TRIM75: variants seen among roughly 807,000 people sequenced by gnomAD.
TRIM75 encodes the protein tripartite motif-containing protein 75.
the TRIM75 span, among the ~76,000 whole-genome samples, chr4:165,058,087 G>A: frequency 6.6e-6 from 1 of 151,994 alleles, no homozygotes; most frequent in African/African-American, 2.4e-5. Flanking sequence ...GGTCTTCTGT[G>A]GCCTATTCAA....
the TRIM75 span, among the ~76,000 whole-genome samples, chr4:165,058,705 G>C: frequency 1.3e-5 from 2 of 152,112 alleles, no homozygotes; most frequent in African/African-American, 2.4e-5. Context: ...TTTGTGTTTG[G>C]CTAGAATGTG....
chr4:165,058,651 T>C, the TRIM75 span, among the ~76,000 whole-genome samples: 7 of 152,110 alleles, frequency 4.6e-5, no homozygotes, highest in Non-Finnish European at 7.3e-5. Context: ...TAGGGCACAA[T>C]AATAAAGGCA....
At chr4:165,057,754 A>G in the TRIM75 span, among the ~76,000 whole-genome samples, 143,672 of 152,166 alleles carry the variant, frequency 0.94, 67,876 homozygotes, top group East Asian at 0.98. Context: ...GGCTGGTCTC[A>G]AACTCCTGAA....
chr4:165,059,424 G>T, the TRIM75 span: 5 of 780,862 alleles, frequency 6.4e-6, no homozygotes, highest in Non-Finnish European at 1.2e-5. Context: ...GAAGCAGGAA[G>T]AGACCACCTT....
the TRIM75 span, chr4:165,059,084 G>A: frequency 5.3e-5 from 36 of 674,092 alleles, no homozygotes; most frequent in Non-Finnish European, 5.5e-6. Context: ...TCACTGAAGA[G>A]TACCCACAGA....
At chr4:165,056,739 C>A in the TRIM75 span, among the ~76,000 whole-genome samples, 1 of 151,094 alleles carries the variant, frequency 6.6e-6, no homozygotes, top group Admixed American at 6.6e-5. Context: ...CTCAGCCTCC[C>A]AAGTAGCTGG....
the TRIM75 span, among the ~76,000 whole-genome samples, chr4:165,055,270 G>C: frequency 6.7e-6 from 1 of 148,280 alleles, no homozygotes; most frequent in Non-Finnish European, 1.5e-5. Context: ...CACTGTGCCT[G>C]GTAAGATAAC....
the TRIM75 span, among the ~76,000 whole-genome samples, chr4:165,053,909 G>C: frequency 1.2e-3 from 176 of 151,556 alleles, 3 homozygotes; most frequent in South Asian, 0.02. Context: ...GTGGCCTTTT[G>C]CACGGATAAA....
chr4:165,059,771 A>G, the TRIM75 span: 1 of 780,922 alleles, frequency 1.3e-6, no homozygotes, highest in South Asian at 1.3e-5. Flanking sequence ...TAGCTGAAGA[A>G]GAGAAGGACA....
the TRIM75 span, chr4:165,059,871 G>A: frequency 1.3e-6 from 1 of 780,382 alleles, no homozygotes. Flanking sequence ...AGAGCTCAGT[G>A]AGCTGTCTGA....
the TRIM75 span, among the ~76,000 whole-genome samples, chr4:165,058,344 T>C: frequency 4.6e-5 from 7 of 151,858 alleles, no homozygotes; most frequent in African/African-American, 1.7e-4. Flanking sequence ...AATTTTTTTT[T>C]TATTTTTTTA....
the TRIM75 span, chr4:165,060,087 A>C: frequency 1.3e-6 from 1 of 780,890 alleles, no homozygotes; most frequent in South Asian, 1.3e-5. Flanking sequence ...TGAAGATAAA[A>C]AACGTGTGAG....
the TRIM75 span, among the ~76,000 whole-genome samples, chr4:165,055,373 G>A: frequency 6.7e-6 from 1 of 148,182 alleles, no homozygotes; most frequent in Admixed American, 6.9e-5. Context: ...CAACCTCCAT[G>A]TCCCAGGTTC....
chr4:165,059,073 C>T, the TRIM75 span: 1 of 653,518 alleles, frequency 1.5e-6, no homozygotes, highest in Non-Finnish European at 2.8e-6. Flanking sequence ...ATATCTGCTT[C>T]TCACTGAAGA....
the TRIM75 span, chr4:165,060,384 A>AT: frequency 2.6e-6 from 2 of 780,874 alleles, no homozygotes; most frequent in Admixed American, 3.4e-5. Context: ...AGCCAGGGCC[A>AT]TTGGCATTTT....
At chr4:165,060,381 G>T in the TRIM75 span, 1,666 of 780,870 alleles carry the variant, frequency 2.1e-3, 22 homozygotes, top group African/African-American at 0.024. Context: ...GAAAGCCAGG[G>T]CCATTGGCAT....
chr4:165,054,619 C>T, the TRIM75 span, among the ~76,000 whole-genome samples: 1 of 152,080 alleles, frequency 6.6e-6, no homozygotes, highest in Non-Finnish European at 1.5e-5. Context: ...AGGTTGGTCT[C>T]GAACCCCTGA....
the TRIM75 span, chr4:165,060,276 C>A: frequency 2.6e-6 from 2 of 780,872 alleles, no homozygotes; most frequent in Non-Finnish European, 4.8e-6. Flanking sequence ...GGCGAGGAGA[C>A]CCTCATCAGC....
At chr4:165,060,512 T>G in the TRIM75 span, 1 of 777,834 alleles carries the variant, frequency 1.3e-6, no homozygotes, top group Non-Finnish European at 2.4e-6. Flanking sequence ...TAGGACCAGA[T>G]TCACAACCTC....
Sources: gnomAD v4.1 joint callset for allele counts (sites outside exome capture counted in the v4.1 genomes callset) on GRCh38, gnomAD v4.1.1 for gene constraint, MANE v1.5 for transcripts, NCBI Gene and HGNC (gene_info 2026-07-23, HGNC 2026-07-21) for gene names.